Variants in OR6N1 observed in about 807,000 individuals in gnomAD.
OR6N1 encodes olfactory receptor family 6 subfamily N member 1.
For missense variants in OR6N1, 394 were observed against 371.7 expected, an observed-to-expected ratio of 1.06 and a Z score of -0.49; for synonymous variants, 170 against 150.7, an observed-to-expected ratio of 1.13 and a Z score of -0.94.
chr1:158,805,312 A>G, the OR6N1 span, among the ~76,000 whole-genome samples: 1 of 152,188 alleles, frequency 6.6e-6, no homozygotes, highest in Non-Finnish European at 1.5e-5. Flanking sequence ...TCAATATCCA[A>G]TTGTCACCAT....
chr1:158,776,360 A>G (rs7526217), upstream of OR6N1: 21,133 of 194,840 alleles, frequency 0.11, 1,557 homozygotes, highest in South Asian at 0.31. Flanking sequence ...AAGAAGAGGA[A>G]ATATGGTGTG....
intron 1 of OR6N1, among the ~76,000 whole-genome samples, chr1:158,771,513 T>C (rs945709037): frequency 6.6e-6 from 1 of 152,196 alleles, no homozygotes; most frequent in African/African-American, 2.4e-5. Context: ...CATATACAAA[T>C]TTACATTTAT....
the OR6N1 span, among the ~76,000 whole-genome samples, chr1:158,816,038 G>A: frequency 6.6e-6 from 1 of 151,766 alleles, no homozygotes; most frequent in Non-Finnish European, 1.5e-5. Flanking sequence ...GGCACCTAAA[G>A]TCCCAGCTAC....
chr1:158,816,258 T>C, the OR6N1 span, among the ~76,000 whole-genome samples: 1 of 152,154 alleles, frequency 6.6e-6, no homozygotes, highest in African/African-American at 2.4e-5. Context: ...ATAATAAGAC[T>C]TTCTATTATT....
At chr1:158,824,185 C>T in the OR6N1 span, among the ~76,000 whole-genome samples, 17,546 of 151,894 alleles carry the variant, frequency 0.12, 1,359 homozygotes, top group South Asian at 0.31. Flanking sequence ...TTGTCTTTCC[C>T]GTGCTGTTCT....
At chr1:158,816,434 G>T in the OR6N1 span, among the ~76,000 whole-genome samples, 1 of 151,920 alleles carries the variant, frequency 6.6e-6, no homozygotes, top group African/African-American at 2.4e-5. Context: ...ACTTACACCT[G>T]TAATCCCAGC....
chr1:158,795,062 C>G, the OR6N1 span, among the ~76,000 whole-genome samples: 1 of 152,096 alleles, frequency 6.6e-6, no homozygotes, highest in Non-Finnish European at 1.5e-5. Flanking sequence ...ACTCTGGCTC[C>G]CCACATGTGG....
the OR6N1 span, chr1:158,808,467 G>A: frequency 6.5e-6 from 1 of 153,112 alleles, no homozygotes; most frequent in African/African-American, 2.4e-5. Context: ...TTGTTGCGAA[G>A]GCTATAGATG....
the OR6N1 span, among the ~76,000 whole-genome samples, chr1:158,794,684 T>A: frequency 1.3e-5 from 2 of 152,188 alleles, no homozygotes; most frequent in South Asian, 4.1e-4. Flanking sequence ...AAATAATGTA[T>A]TGAGCATGTG....
rs201929768 is a variant in OR6N1, at chr1:158,766,267, G to T, written c.416C>A (p.Thr139Lys). 2.1e-4 allele frequency: 333 copies of T among 1,614,114 alleles called. 3 individuals carry two copies. In the East Asian group the frequency reaches 7.4e-3, roughly 36 times the overall value. ...GCCAATGGCAATCTCTGCACAAAGT[G>T]TTGGGGTCATGAGGGTTGGGTAGTG... is the stretch of plus-strand genomic sequence containing the variant. ...PLHYPTLMTP[T>K]LCAEIAIGCW... The change falls in exon 2 of 2, where the codon ACA becomes AAA. Residue 139 changes from threonine to lysine, a missense_variant. Thr to Lys is a moderately conservative substitution (Grantham distance 78, BLOSUM62 -1). Transcript: ENST00000641846.
the OR6N1 span, among the ~76,000 whole-genome samples, chr1:158,790,860 G>A: frequency 6.6e-6 from 1 of 152,128 alleles, no homozygotes; most frequent in Non-Finnish European, 1.5e-5. Context: ...TTAAGGGTGG[G>A]ACCAGATGGG....
chr1:158,781,316 G>A, the OR6N1 span: 1 of 152,252 alleles, frequency 6.6e-6, no homozygotes, highest in Non-Finnish European at 1.5e-5. Context: ...ACACTGTTTT[G>A]CCACAAGTGG....
the OR6N1 span, among the ~76,000 whole-genome samples, chr1:158,834,431 C>G: frequency 6.6e-6 from 1 of 151,832 alleles, no homozygotes; most frequent in Non-Finnish European, 1.5e-5. Flanking sequence ...AGGGGTTTCA[C>G]CGTGTTTATC....
chr1:158,803,093 T>G, the OR6N1 span, among the ~76,000 whole-genome samples: 2 of 152,192 alleles, frequency 1.3e-5, no homozygotes, highest in Admixed American at 1.3e-4. Flanking sequence ...TATATTAAAT[T>G]TAAGATACGG....
chr1:158,801,355 C>G, the OR6N1 span, among the ~76,000 whole-genome samples: 2 of 152,000 alleles, frequency 1.3e-5, no homozygotes, highest in South Asian at 2.1e-4. Flanking sequence ...CATCTAGTCC[C>G]TAAAGAAATG....
At chr1:158,803,045 T>C in the OR6N1 span, among the ~76,000 whole-genome samples, 1 of 152,190 alleles carries the variant, frequency 6.6e-6, no homozygotes, top group Non-Finnish European at 1.5e-5. Flanking sequence ...CCAAATGTAC[T>C]TTTATTTTTC....
At chr1:158,789,015 A>G in the OR6N1 span, among the ~76,000 whole-genome samples, 1 of 152,110 alleles carries the variant, frequency 6.6e-6, no homozygotes, top group Non-Finnish European at 1.5e-5. Context: ...TTCACCCTCT[A>G]CCTTTCCTGG....
chr1:158,799,652 A>C, the OR6N1 span, among the ~76,000 whole-genome samples: 1 of 152,248 alleles, frequency 6.6e-6, no homozygotes, highest in East Asian at 1.9e-4. Context: ...GACAAAGGAC[A>C]TCCAACTATA....
At chr1:158,806,845 G>A in the OR6N1 span, among the ~76,000 whole-genome samples, 1 of 151,736 alleles carries the variant, frequency 6.6e-6, no homozygotes, top group East Asian at 1.9e-4. Flanking sequence ...ACCTAGTTCA[G>A]GTCCTGCTTT....
Sources: allele counts gnomAD v4.1 joint callset (sites outside exome capture counted in the v4.1 genomes callset), GRCh38; gene constraint gnomAD v4.1.1; transcripts MANE v1.5; gene names NCBI Gene and HGNC (gene_info 2026-07-23, HGNC 2026-07-21).